The following GABRA3 variants were observed in gnomAD, a reference collection of about 807,000 sequenced individuals.
The protein encoded by GABRA3 is gamma-aminobutyric acid receptor subunit alpha-3.
A neutral mutation model predicts 30.1 loss-of-function variants in GABRA3; 10 were observed. The ratio of observed to expected loss-of-function variants is 0.33; its 90% CI spans 0.20 to 0.56. The LOEUF is 0.56. GABRA3 is among the 20% of genes least tolerant of loss of function. The pLI is 0.89. For synonymous variants in GABRA3, 151 were observed against 146.8 expected (o/e 1.03, Z -0.21); for missense variants, 233 against 392.0 (o/e 0.59, Z 3.42).
chrX:152,341,028 A>C (rs1940305332), intron 3 of GABRA3, among the ~76,000 whole-genome samples: 1 of 110,657 alleles, frequency 9.0e-6, no homozygotes, highest in Non-Finnish European at 1.9e-5. Context: ...TCTCCCTCTC[A>C]ATCTCCCACT....
intron 1 of GABRA3, among the ~76,000 whole-genome samples, chrX:152,401,490 C>T (rs1210140286): frequency 1.8e-5 from 2 of 111,110 alleles, no homozygotes; most frequent in African/African-American, 6.6e-5. Context: ...AATTTTTCAA[C>T]TTACATAACA....
At chrX:152,181,185 A>G (rs1454859857) in intron 9 of GABRA3, among the ~76,000 whole-genome samples, 3 of 111,559 alleles carry the variant, frequency 2.7e-5, no homozygotes, top group African/African-American at 9.8e-5. Flanking sequence ...GTATCTTTCC[A>G]TTTATTTGTG....
chrX:152,275,056 T>G (rs2124429902), intron 4 of GABRA3, among the ~76,000 whole-genome samples: 1 of 92,373 alleles, frequency 1.1e-5, no homozygotes, highest in South Asian at 4.6e-4. Flanking sequence ...GATATGAATA[T>G]ATTTATAGAA....
chrX:152,347,485 T>G (rs758622684), intron 2 of GABRA3, among the ~76,000 whole-genome samples: 20 of 111,766 alleles, frequency 1.8e-4, no homozygotes, highest in African/African-American at 6.2e-4. Flanking sequence ...ACTAATTGGA[T>G]TGTTTTTAAC....
chrX:152,208,204 AT>A (rs1937594467), intron 6 of GABRA3, 60 bp from the exon 7 acceptor site: 1 of 1,114,267 alleles, frequency 9.0e-7, no homozygotes, highest in Non-Finnish European at 1.2e-6. Context: ...ATTACCCTTG[AT>A]ACTAAACTCA....
intron 3 of GABRA3, among the ~76,000 whole-genome samples, chrX:152,289,668 C>T (rs1445149874): frequency 9.1e-6 from 1 of 110,091 alleles, no homozygotes; most frequent in Non-Finnish European, 1.9e-5. Flanking sequence ...CCTCCCCCTG[C>T]CCCCCACCCC....
At chrX:152,326,971 G>C (rs1229033331) in intron 3 of GABRA3, among the ~76,000 whole-genome samples, 3 of 108,451 alleles carry the variant, frequency 2.8e-5, no homozygotes, top group Non-Finnish European at 5.7e-5. Flanking sequence ...TTCACGTGCA[G>C]AGACACATAC....
chrX:152,170,541 C>T (rs763780097), intron 9 of GABRA3, among the ~76,000 whole-genome samples: 5 of 111,791 alleles, frequency 4.5e-5, no homozygotes, highest in African/African-American at 1.3e-4. Flanking sequence ...GTCTTGTACT[C>T]CTGGCTTCAG....
At chrX:152,320,051 AT>A (rs1687055864) in intron 3 of GABRA3, among the ~76,000 whole-genome samples, 3 of 110,180 alleles carry the variant, frequency 2.7e-5, no homozygotes, top group Admixed American at 9.6e-5. Context: ...AAGGATGGCC[AT>A]AATCAAAAAC....
chrX:152,341,529 T>TA (rs781369383), intron 3 of GABRA3, among the ~76,000 whole-genome samples: 2 of 106,945 alleles, frequency 1.9e-5, no homozygotes, highest in East Asian at 5.9e-4. Flanking sequence ...ACCATATCCA[T>TA]AACAACATCT....
chrX:152,376,373 C>T (rs1603250473), intron 1 of GABRA3, among the ~76,000 whole-genome samples: 1 of 111,033 alleles, frequency 9.0e-6, no homozygotes, highest in East Asian at 2.9e-4. Context: ...CAATTTAAGA[C>T]ATCAGCTTGT....
At chrX:152,177,694 T>A (rs956692069) in intron 9 of GABRA3, among the ~76,000 whole-genome samples, 18 of 111,715 alleles carry the variant, frequency 1.6e-4, no homozygotes, top group Admixed American at 1.0e-3. Context: ...AATGGGACAA[T>A]CCAGACCTCA....
chrX:152,287,543 T>A (rs1475934132), intron 3 of GABRA3, among the ~76,000 whole-genome samples: 1 of 111,464 alleles, frequency 9.0e-6, no homozygotes, highest in African/African-American at 3.3e-5. Context: ...TTTCTTGAGG[T>A]ATCCCGAGCC....
chrX:152,266,343 A>G (rs1011794407), intron 4 of GABRA3, among the ~76,000 whole-genome samples: 4 of 112,097 alleles, frequency 3.6e-5, no homozygotes, highest in Non-Finnish European at 7.5e-5. Flanking sequence ...AATTCAGTCA[A>G]TGCGATACAG....
chrX:152,299,573 T>C (rs1196205673), intron 3 of GABRA3, among the ~76,000 whole-genome samples: 1 of 111,204 alleles, frequency 9.0e-6, no homozygotes, highest in Non-Finnish European at 1.9e-5. Flanking sequence ...TAATTTGGAG[T>C]GAGGGTCAGT....
At chrX:152,392,227 G>A (rs780745123) in intron 1 of GABRA3, 5 of 384,661 alleles carry the variant, frequency 1.3e-5, no homozygotes, top group East Asian at 7.5e-5. Flanking sequence ...AGTAGACACC[G>A]TAGCACATGC....
At chrX:152,170,313 A>G (rs1206809936) in intron 9 of GABRA3, among the ~76,000 whole-genome samples, 1 of 112,001 alleles carries the variant, frequency 8.9e-6, no homozygotes, top group Non-Finnish European at 1.9e-5. Context: ...GGCCAAGGAC[A>G]CTTTATTTAT....
At chrX:152,323,971 A>G (rs756919382) in intron 3 of GABRA3, among the ~76,000 whole-genome samples, 116 of 112,515 alleles carry the variant, frequency 1.0e-3, no homozygotes, top group African/African-American at 3.7e-3. Flanking sequence ...TGATTTTAAG[A>G]AAAACACTAT....
intron 3 of GABRA3, 31 bp downstream of exon 3, chrX:152,345,550 A>G (rs768622909): frequency 6.8e-6 from 8 of 1,184,115 alleles, no homozygotes; most frequent in Non-Finnish European, 1.1e-6. Flanking sequence ...GAAGATCTGA[A>G]AAGGACTTCA....
Sources: gnomAD v4.1 joint callset for allele counts (sites outside exome capture counted in the v4.1 genomes callset) on GRCh38, gnomAD v4.1.1 for gene constraint, MANE v1.5 for transcripts, NCBI Gene and HGNC (gene_info 2026-07-23, HGNC 2026-07-21) for gene names.